The following ATP9A variants were observed in gnomAD, a reference collection of about 807,000 sequenced individuals.
ATP9A encodes ATPase phospholipid transporting 9A.
In ATP9A, 52 loss-of-function variants were observed where a neutral mutation model predicts 144.1. The observed-to-expected ratio is 0.36, with a 90% CI of 0.29 to 0.45. ATP9A has a LOEUF of 0.45. ATP9A is among the 20% of genes least tolerant of loss of function. ATP9A has a pLI of 1.00. For synonymous variants in ATP9A, 582 were observed against 557.4 expected (o/e 1.04, Z -0.62); for missense variants, 947 against 1,392.7 (o/e 0.68, Z 5.09).
chr20:51,690,630 C>T, intron 8 of ATP9A, 109 bp downstream of exon 8: 1 of 927,712 alleles, frequency 1.1e-6, no homozygotes, highest in Non-Finnish European at 1.7e-6. Flanking sequence ...TATGTCCCCA[C>T]CTGGCATGAA....
chr20:51,623,043 G>C (rs951831649), intron 18 of ATP9A, among the ~76,000 whole-genome samples: 4 of 152,144 alleles, frequency 2.6e-5, no homozygotes, highest in African/African-American at 9.7e-5. Flanking sequence ...CATTTGCCAA[G>C]GGTCACAGAA....
intron 18 of ATP9A, among the ~76,000 whole-genome samples, chr20:51,622,463 C>T (rs1011695764): frequency 2.0e-5 from 3 of 152,144 alleles, no homozygotes; most frequent in African/African-American, 7.2e-5. Flanking sequence ...CGCATAATTC[C>T]CCTTCTGAGG....
intron 17 of ATP9A, 47 bp downstream of exon 17, chr20:51,627,553 G>T: frequency 6.6e-7 from 1 of 1,517,508 alleles, no homozygotes. Flanking sequence ...GTGACTGGGA[G>T]GCAGGTGGGG....
At chr20:51,758,323 C>T (rs1243824493) in intron 1 of ATP9A, among the ~76,000 whole-genome samples, 1 of 151,964 alleles carries the variant, frequency 6.6e-6, no homozygotes, top group Non-Finnish European at 1.5e-5. Context: ...CAAATTAAAC[C>T]AAAATCACCA....
intron 19 of ATP9A, among the ~76,000 whole-genome samples, chr20:51,621,556 T>C (rs1295713255): frequency 4.6e-5 from 7 of 152,178 alleles, no homozygotes; most frequent in Non-Finnish European, 8.8e-5. Flanking sequence ...TCTTGGTCAA[T>C]GTCTGCCACA....
intron 1 of ATP9A, among the ~76,000 whole-genome samples, chr20:51,755,392 G>A (rs925921996): frequency 1.9e-4 from 28 of 148,594 alleles, no homozygotes; most frequent in Non-Finnish European, 2.4e-4. Context: ...CCAAGAACGC[G>A]CCTCTGCACT....
intron 1 of ATP9A, among the ~76,000 whole-genome samples, chr20:51,766,579 C>T (rs1363463668): frequency 2.0e-5 from 3 of 152,106 alleles, no homozygotes; most frequent in Non-Finnish European, 4.4e-5. Flanking sequence ...CGGTGACTCA[C>T]GCCTGTAATC....
At chr20:51,749,678 G>C (rs2077823386) in intron 1 of ATP9A, among the ~76,000 whole-genome samples, 1 of 152,102 alleles carries the variant, frequency 6.6e-6, no homozygotes. Context: ...TTTGATAAAT[G>C]CTTAAAAATT....
At chr20:51,729,572 C>T (rs1387193465) in intron 2 of ATP9A, among the ~76,000 whole-genome samples, 1 of 152,060 alleles carries the variant, frequency 6.6e-6, no homozygotes, top group Admixed American at 6.6e-5. Flanking sequence ...TGGTGAAACC[C>T]CATCTCTACT....
chr20:51,603,994 C>G (rs1468381438), intron 27 of ATP9A, among the ~76,000 whole-genome samples: 1 of 151,918 alleles, frequency 6.6e-6, no homozygotes, highest in Admixed American at 6.6e-5. Context: ...TTGACCAGAC[C>G]GGTCTCAAAC....
At position 51,597,872 on chromosome 20, in the gene ATP9A, T is replaced by G. The variant is rs1424952914; in HGVS notation, c.*3339A>C. 1 of 150,406 alleles carries G rather than the reference T, an allele frequency of 6.6e-6. No individual in the cohort carries two copies. Among genetic ancestry groups the G allele is most frequent in the Admixed American group, 6.7e-5 (1 of 15,000 alleles). 9.3% of individuals were successfully genotyped at this position (150,406 alleles called of 1,614,324 possible). A position where few individuals can be genotyped will look rare whatever the true frequency, so the allele number is the denominator to read the frequency against. On this transcript the variant is annotated 3_prime_UTR_variant, in exon 28 of 28. Transcript: ENST00000338821. ...AATGTTCATAAAGAGACAATGATTT[T>G]TAAGATTTACTGTCACAAAAAAAAA...
At chr20:51,608,032 A>T (rs1346715299) in intron 25 of ATP9A, among the ~76,000 whole-genome samples, 2 of 145,016 alleles carry the variant, frequency 1.4e-5, no homozygotes, top group African/African-American at 5.0e-5. Flanking sequence ...TGACAAAGTG[A>T]GAATTAGTCT....
chr20:51,624,278 G>A (rs1051488009), intron 18 of ATP9A, among the ~76,000 whole-genome samples: 20 of 152,176 alleles, frequency 1.3e-4, no homozygotes, highest in African/African-American at 4.6e-4. Context: ...CCATGGCCCT[G>A]CTGAAAGGAC....
intron 1 of ATP9A, among the ~76,000 whole-genome samples, chr20:51,743,172 A>G (rs982841289): frequency 2.0e-5 from 3 of 152,078 alleles, no homozygotes; most frequent in African/African-American, 7.2e-5. Flanking sequence ...CTGCAGCCAC[A>G]CCCTGCGTGT....
At chr20:51,676,539 C>T (rs1172784904) in intron 9 of ATP9A, among the ~76,000 whole-genome samples, 2 of 152,198 alleles carry the variant, frequency 1.3e-5, no homozygotes, top group Admixed American at 1.3e-4. Context: ...AATGCAATGG[C>T]GTGATCTCCG....
At chr20:51,645,540 CA>C (rs34789590) in intron 14 of ATP9A, among the ~76,000 whole-genome samples, 69,407 of 149,820 alleles carry the variant, frequency 0.46, 17,349 homozygotes, top group East Asian at 0.77. Flanking sequence ...AACAAACAAA[CA>C]AAAAAAAAAC....
At chr20:51,617,142 A>G (rs2077206432) in intron 22 of ATP9A, among the ~76,000 whole-genome samples, 1 of 149,138 alleles carries the variant, frequency 6.7e-6, no homozygotes. Flanking sequence ...GGGTTTCTCT[A>G]AGTTGGCCAG....
intron 17 of ATP9A, 70 bp from the exon 18 acceptor site, chr20:51,625,432 G>C (rs1265674635): frequency 2.0e-6 from 3 of 1,524,174 alleles, no homozygotes; most frequent in Admixed American, 1.9e-5. Context: ...CCAGTGCCAA[G>C]AGTGGAAGGG....
chr20:51,601,066 T>G lies in ATP9A; in HGVS notation c.*145A>C. ...CCGTTGATGCAGCGTTAGGACTCCG[T>G]TTAGGCGCAGAGCCACTTCCCATTA... On this transcript the variant is annotated 3_prime_UTR_variant, in exon 28 of 28. Coordinates refer to ENST00000338821, the MANE Select transcript of ATP9A (RefSeq NM_006045.3). The G allele has an allele frequency of 9.5e-7, 1 of 1,048,296 alleles. No homozygotes were observed. Among genetic ancestry groups the G allele is most frequent in the Non-Finnish European group, 1.3e-6 (1 of 756,634 alleles). The allele number at this position is 1,048,296 out of a possible 1,614,324, so 64.9% of individuals were successfully genotyped here.
Sources: gnomAD v4.1 joint callset for allele counts (sites outside exome capture counted in the v4.1 genomes callset) on GRCh38, gnomAD v4.1.1 for gene constraint, MANE v1.5 for transcripts, NCBI Gene and HGNC (gene_info 2026-07-23, HGNC 2026-07-21) for gene names.